Variants in ASS1 observed in about 807,000 individuals in gnomAD.
ASS1 encodes argininosuccinate synthase 1, also known as argininosuccinate synthase.
In ASS1, 58 loss-of-function variants were observed where a neutral mutation model predicts 60.5. That is an observed-to-expected ratio of 0.96 (90% confidence interval 0.78 to 1.19). The LOEUF is 1.19. Among genes scored for constraint, ASS1 ranks in the 50% most tolerant of loss-of-function variants. ASS1 has a pLI of 0.00. For synonymous variants in ASS1, 200 were observed against 206.9 expected, an observed-to-expected ratio of 0.97 and a Z score of 0.29; for missense variants, 454 against 547.3, an observed-to-expected ratio of 0.83 and a Z score of 1.70.
intron 5 of ASS1, among the ~76,000 whole-genome samples, chr9:130,466,025 G>A (rs763446187): frequency 6.6e-6 from 1 of 152,222 alleles, no homozygotes; most frequent in Non-Finnish European, 1.5e-5. Context: ...CTGCTCTGAG[G>A]GGCTGAGGAG....
chr9:130,458,676 G>A, intron 4 of ASS1, 87 bp downstream of exon 4: 1 of 1,522,994 alleles, frequency 6.6e-7, no homozygotes, highest in Non-Finnish European at 8.9e-7. Context: ...CGGTTTCCTG[G>A]TGTGCCTCCG....
At chr9:130,465,962 G>A (rs1845729894) in intron 5 of ASS1, among the ~76,000 whole-genome samples, 3 of 152,366 alleles carry the variant, frequency 2.0e-5, no homozygotes, top group South Asian at 4.1e-4. Flanking sequence ...TGGGATTGGG[G>A]CAGGGGCCAA....
At chr9:130,474,074 C>CCCCCA (rs1554722814) in intron 8 of ASS1, among the ~76,000 whole-genome samples, 2 of 100,058 alleles carry the variant, frequency 2.0e-5, no homozygotes, top group African/African-American at 3.7e-5. Context: ...CCCCCCCCCC[C>CCCCCA]CACAGATGAC....
intron 3 of ASS1, among the ~76,000 whole-genome samples, chr9:130,454,977 CTCCGTCCATTCATCCATCATCCA>C (rs1248714829): frequency 1.4e-5 from 2 of 146,584 alleles, no homozygotes; most frequent in Non-Finnish European, 3.0e-5. Context: ...TCCATCCATC[CTCCGTCCATTCATCCATCATCCA>C]TCCATCCATT....
chr9:130,445,301 T>C, intron 1 of ASS1: 1 of 909,314 alleles, frequency 1.1e-6, no homozygotes, highest in Non-Finnish European at 1.3e-6. Context: ...CGCAGCCGGG[T>C]CCTTTCTGGA....
At chr9:130,500,331 G>A (rs1252181967) in intron 14 of ASS1, among the ~76,000 whole-genome samples, 3 of 152,192 alleles carry the variant, frequency 2.0e-5, no homozygotes, top group Non-Finnish European at 2.9e-5. Context: ...CCCGGGAACA[G>A]GCTGAGTGGT....
At chr9:130,465,884 C>T (rs1845728265) in intron 5 of ASS1, among the ~76,000 whole-genome samples, 1 of 152,234 alleles carries the variant, frequency 6.6e-6, no homozygotes, top group African/African-American at 2.4e-5. Flanking sequence ...GTTCCCACAG[C>T]AGCTTGTGGG....
In ASS1 at chr9:130,497,440, T is replaced by G. The variant is rs368793306; in HGVS notation, c.1128-2065T>G. ...ATAGAGCAGGTCAGAGCCACTCGAA[T>G]GAGCAAAAATAAAAGCACAGAGGTT... On this transcript the variant is annotated intron_variant, in intron 13 of 14. Coordinates refer to ENST00000352480, the MANE Select transcript of ASS1 (RefSeq NM_054012.4). 2.0e-5 allele frequency among the ~76,000 whole-genome samples: 3 copies of G among 150,498 alleles called. No homozygotes were observed. In the East Asian group the frequency reaches 5.8e-4, roughly 29 times the overall value.
chr9:130,476,484 AT>A lies in ASS1; in HGVS notation c.598-386del, dbSNP rs1171201869. On this transcript the variant is annotated intron_variant, in intron 8 of 14. Transcript: ENST00000352480. The surrounding 1 kb of genome is among the most constrained non-coding windows in gnomAD (Gnocchi z 4.9). Reference sequence around the variant, plus strand: ...TCATTAGCTTTGCGGTCAGTGCAGAATAAACCCCAATCCCGAGCCGGCGAGA... The same window carrying A: ...TCATTAGCTTTGCGGTCAGTGCAGAAAAACCCCAATCCCGAGCCGGCGAGA... The A allele has an allele frequency of 7.9e-6, 3 of 379,138 alleles. No individual in the cohort carries two copies. The highest frequency in any genetic ancestry group is 6.2e-5 in the African/African-American group (3 of 48,178). The allele number at this position is 379,138 out of a possible 1,614,324, so 23.5% of individuals were successfully genotyped here.
Position 130,489,593 on chromosome 9 carries a change from A to G in ASS1, c.970+129A>G. On this transcript the variant is annotated intron_variant, in intron 12 of 14. Coordinates refer to ENST00000352480, the MANE Select transcript of ASS1 (RefSeq NM_054012.4). This position sits in a 1 kb window ranked among gnomAD's most constrained non-coding sequence, Gnocchi z 4.1. The stretch of plus-strand genomic sequence containing the variant: ...TCCCCTGCCGCCCACTGCCATCCTC[A>G]TGTGAGACCCCAAAAGGTGCAGGCC... 6.9e-7 allele frequency: 1 copy of G among 1,459,826 alleles called. No homozygotes were observed. The highest frequency in any genetic ancestry group is 9.5e-7 in the Non-Finnish European group (1 of 1,052,230). 90.4% of individuals were successfully genotyped at this position (1,459,826 alleles called of 1,614,324 possible).
chr9:130,445,180 G>C, intron 1 of ASS1, 185 bp downstream of exon 1: 1 of 985,220 alleles, frequency 1.0e-6, no homozygotes, highest in Non-Finnish European at 1.2e-6. Context: ...ATGCTCAAAC[G>C]CCTGGCACCG....
rs1846010457 is a variant in ASS1 at position 130,476,102 on chromosome 9, A to AT, written c.598-768dup. On this transcript the variant is annotated intron_variant, in intron 8 of 14. Coordinates refer to ENST00000352480, the MANE Select transcript of ASS1 (RefSeq NM_054012.4). This position sits in a 1 kb window ranked among gnomAD's most constrained non-coding sequence, Gnocchi z 4.9. ...GCAAAGATGAGACAGCAGTTCCTGG[A>AT]TGTCAGCAGGTGAACAAGGACCCCA... Among the ~76,000 whole-genome samples, 1 of 152,138 alleles carries AT rather than the reference A, an allele frequency of 6.6e-6. No homozygotes were observed.
At chr9:130,450,877 G>A (rs571324873) in intron 1 of ASS1, among the ~76,000 whole-genome samples, 5 of 152,348 alleles carry the variant, frequency 3.3e-5, no homozygotes, top group Non-Finnish European at 2.9e-5. Context: ...ACCTTGTGAC[G>A]TTGGTCAGAC....
intron 1 of ASS1, among the ~76,000 whole-genome samples, chr9:130,445,446 T>C (rs907798331): frequency 7.9e-5 from 12 of 152,196 alleles, no homozygotes; most frequent in African/African-American, 2.9e-4. Flanking sequence ...TCTATTTCTC[T>C]GCGTAAAACC....
chr9:130,501,034 T>C lies in ASS1; in HGVS notation c.*13T>C, dbSNP rs756163177. 14 of 1,610,952 alleles carry C rather than the reference T, an allele frequency of 8.7e-6. No individual in the cohort carries two copies. Among genetic ancestry groups the C allele is most frequent in the African/African-American group, 1.3e-5 (1 of 74,878 alleles). On this transcript the variant is annotated 3_prime_UTR_variant, in exon 15 of 15. Coordinates refer to ENST00000352480, the MANE Select transcript of ASS1 (RefSeq NM_054012.4). ...CACTGCCAAATAGACCCGTGTACAA[T>C]GAGGAGCTGGGGCCTCCTCAATTTG...
chr9:130,499,592 C>A, intron 14 of ASS1, 22 bp downstream of exon 14: 2 of 1,608,384 alleles, frequency 1.2e-6, no homozygotes, highest in Non-Finnish European at 1.7e-6. Context: ...AGGGCCCTGA[C>A]GGGCCTTCAG....
intron 8 of ASS1, among the ~76,000 whole-genome samples, chr9:130,471,864 A>G (rs1845874700): frequency 6.6e-6 from 1 of 151,828 alleles, no homozygotes; most frequent in Non-Finnish European, 1.5e-5. Context: ...GCCTGTGCCC[A>G]CCAGCTCCCA....
At chr9:130,499,258 A>G (rs1192697272) in intron 13 of ASS1, among the ~76,000 whole-genome samples, 1 of 152,186 alleles carries the variant, frequency 6.6e-6, no homozygotes, top group Non-Finnish European at 1.5e-5. Context: ...CACATTGTGT[A>G]GCAGGGAAGA....
At chr9:130,457,578 C>A (rs1845475335) in intron 3 of ASS1, among the ~76,000 whole-genome samples, 1 of 152,212 alleles carries the variant, frequency 6.6e-6, no homozygotes, top group African/African-American at 2.4e-5. Context: ...GTTTCTCAGT[C>A]TTGGCCTTGT....
Sources: allele counts gnomAD v4.1 joint callset (sites outside exome capture counted in the v4.1 genomes callset), GRCh38; gene constraint gnomAD v4.1.1; non-coding constraint Gnocchi (gnomAD v3.1); transcripts MANE v1.5; gene names NCBI Gene and HGNC (gene_info 2026-07-23, HGNC 2026-07-21).